The following CALN1 variants were observed in gnomAD, a reference collection of about 807,000 sequenced individuals.
The protein encoded by CALN1 is calneuron 1.
Under a neutral mutation model 30.6 loss-of-function variants are expected in CALN1, and 17 were observed. The ratio of observed to expected loss-of-function variants is 0.56; its 90% CI spans 0.38 to 0.83. The LOEUF is 0.83. Among genes scored for constraint, CALN1 ranks in the 40% least tolerant of loss-of-function variants. The pLI is 0.00. For synonymous variants in CALN1, 156 were observed against 131.4 expected, an observed-to-expected ratio of 1.19 and a Z score of -1.28; for missense variants, 291 against 354.9, an observed-to-expected ratio of 0.82 and a Z score of 1.45.
intron 2 of CALN1, among the ~76,000 whole-genome samples, chr7:72,364,811 T>C (rs949107481): frequency 1.3e-5 from 2 of 152,204 alleles, no homozygotes; most frequent in African/African-American, 4.8e-5. Context: ...TGATTTGTTA[T>C]TCAAAAGTAG....
intron 3 of CALN1, among the ~76,000 whole-genome samples, chr7:72,186,138 A>G (rs1057137377): frequency 6.6e-6 from 1 of 152,156 alleles, no homozygotes; most frequent in African/African-American, 2.4e-5. Flanking sequence ...CAAAAGCAGG[A>G]AAAGGCAAGG....
chr7:72,334,617 G>T (rs78423187), intron 2 of CALN1, among the ~76,000 whole-genome samples: 1 of 151,914 alleles, frequency 6.6e-6, no homozygotes, highest in Non-Finnish European at 1.5e-5. Flanking sequence ...AATTATTTTC[G>T]TTCTAAAAAG....
chr7:71,920,371 T>C (rs1368681489), intron 5 of CALN1, among the ~76,000 whole-genome samples: 1 of 145,654 alleles, frequency 6.9e-6, no homozygotes, highest in Non-Finnish European at 1.5e-5. Context: ...AGTCTTGCTC[T>C]GTCACCTAGG....
In CALN1 at chr7:72,135,452, C is replaced by T. The variant is rs1414945898; in HGVS notation, c.245-29158G>A. Among the ~76,000 whole-genome samples, 5 of 152,154 alleles carry T rather than the reference C, an allele frequency of 3.3e-5. No individual in the cohort carries two copies. The East Asian group carries it at 9.6e-4, about 29-fold the overall frequency. Reference sequence around the variant, plus strand: ...GATGCTGTGTTAGAAGGCATGAAAACAACATTCATCTCCTTGTACATCTCC... The same window carrying T: ...GATGCTGTGTTAGAAGGCATGAAAATAACATTCATCTCCTTGTACATCTCC... On this transcript the variant is annotated intron_variant, in intron 3 of 6. Coordinates refer to ENST00000395275, the MANE Select transcript of CALN1 (RefSeq NM_031468.4).
At chr7:72,156,955 C>T (rs1177118193) in intron 3 of CALN1, among the ~76,000 whole-genome samples, 1 of 152,186 alleles carries the variant, frequency 6.6e-6, no homozygotes, top group African/African-American at 2.4e-5. Flanking sequence ...AGGATTACTA[C>T]CAAGACATAA....
intron 2 of CALN1, among the ~76,000 whole-genome samples, chr7:72,400,963 T>C (rs1267176276): frequency 6.6e-6 from 1 of 152,214 alleles, no homozygotes; most frequent in African/African-American, 2.4e-5. Context: ...TAACTTCGCC[T>C]GCCCTGCCCA....
intron 3 of CALN1, among the ~76,000 whole-genome samples, chr7:72,179,702 TA>T (rs1413024346): frequency 2.6e-5 from 4 of 152,176 alleles, no homozygotes; most frequent in Non-Finnish European, 5.9e-5. Flanking sequence ...CTTCAACAAT[TA>T]GCAATATTTT....
chr7:72,004,127 A>G (rs1799655917), intron 5 of CALN1, among the ~76,000 whole-genome samples: 1 of 151,680 alleles, frequency 6.6e-6, no homozygotes, highest in Non-Finnish European at 1.5e-5. Context: ...AACTGATATT[A>G]AGTCTTACTA....
intron 3 of CALN1, among the ~76,000 whole-genome samples, chr7:72,228,830 T>C (rs957102495): frequency 6.6e-6 from 1 of 151,550 alleles, no homozygotes; most frequent in Non-Finnish European, 1.5e-5. Flanking sequence ...GATGCAATCA[T>C]AGCTCACTGC....
chr7:71,949,963 T>C (rs1022192795), intron 5 of CALN1, among the ~76,000 whole-genome samples: 1 of 152,030 alleles, frequency 6.6e-6, no homozygotes, highest in African/African-American at 2.4e-5. Context: ...GGGGTTTCAC[T>C]GTGTTAGCCA....
At chr7:72,229,066 A>G (rs921510696) in intron 3 of CALN1, among the ~76,000 whole-genome samples, 1 of 151,478 alleles carries the variant, frequency 6.6e-6, no homozygotes, top group African/African-American at 2.4e-5. Flanking sequence ...CACCCAGCCC[A>G]TTTTTAATTA....
At chr7:72,232,674 G>T (rs1387196736) in intron 3 of CALN1, among the ~76,000 whole-genome samples, 1 of 152,178 alleles carries the variant, frequency 6.6e-6, no homozygotes, top group African/African-American at 2.4e-5. Context: ...TGGCCAGGCT[G>T]GTCTTGAACT....
intron 3 of CALN1, among the ~76,000 whole-genome samples, chr7:72,151,247 C>T (rs1787220692): frequency 6.6e-6 from 1 of 152,148 alleles, no homozygotes; most frequent in South Asian, 2.1e-4. Context: ...TCCATGCCTC[C>T]CTCTGCTCGC....
chr7:71,848,373 G>A (rs1367975835), intron 5 of CALN1, among the ~76,000 whole-genome samples: 1 of 152,114 alleles, frequency 6.6e-6, no homozygotes, highest in Non-Finnish European at 1.5e-5. Flanking sequence ...GAATTCTATT[G>A]ATATCCAGAA....
At chr7:71,800,977 T>A (rs1435110419) in intron 6 of CALN1, among the ~76,000 whole-genome samples, 2 of 152,088 alleles carry the variant, frequency 1.3e-5, no homozygotes, top group African/African-American at 4.8e-5. Flanking sequence ...CATTGCCCCC[T>A]GACAGGCCCC....
At chr7:72,227,236 T>TAA (rs34824953) in intron 3 of CALN1, among the ~76,000 whole-genome samples, 16 of 144,148 alleles carry the variant, frequency 1.1e-4, no homozygotes, top group African/African-American at 3.6e-4. Flanking sequence ...ATTAAAAGCT[T>TAA]AAAAAAAAAA....
chr7:71,945,582 C>T (rs990832294), intron 5 of CALN1, among the ~76,000 whole-genome samples: 1 of 152,156 alleles, frequency 6.6e-6, no homozygotes, highest in African/African-American at 2.4e-5. Context: ...TCAGCAGCAG[C>T]ATTAGATTCT....
intron 4 of CALN1, among the ~76,000 whole-genome samples, chr7:72,033,947 GA>G (rs1202747553): frequency 6.6e-6 from 1 of 152,088 alleles, no homozygotes. Context: ...CTGGATAAAA[GA>G]AAAGGGCATT....
Position 72,272,489 on chromosome 7 carries a change from G to C in CALN1, c.244+6197C>G, listed in dbSNP as rs1314736292. 2.6e-5 allele frequency among the ~76,000 whole-genome samples: 4 copies of C among 152,118 alleles called. No homozygotes were observed. In the South Asian group the frequency reaches 6.2e-4, roughly 24 times the overall value. On this transcript the variant is annotated intron_variant, in intron 3 of 6. Coordinates refer to ENST00000395275, the MANE Select transcript of CALN1 (RefSeq NM_031468.4). ...AAGCCGGAGAATCACTTGAACCCAGGAGGTGGAGGCTGCAGTGAGCCGAAA... is the reference window on the plus strand; with the variant it reads ...AAGCCGGAGAATCACTTGAACCCAGCAGGTGGAGGCTGCAGTGAGCCGAAA...
Sources: allele counts gnomAD v4.1 joint callset (sites outside exome capture counted in the v4.1 genomes callset), GRCh38; gene constraint gnomAD v4.1.1; transcripts MANE v1.5; gene names NCBI Gene and HGNC (gene_info 2026-07-23, HGNC 2026-07-21).